ACAN: variants seen among roughly 807,000 people sequenced by gnomAD.
The protein encoded by ACAN is aggrecan.
A neutral mutation model predicts 169.1 loss-of-function variants in ACAN; 47 were observed. The observed-to-expected ratio is 0.28, with a 90% CI of 0.22 to 0.35. The LOEUF (loss-of-function observed/expected upper bound fraction) is 0.35, where lower values mean the gene tolerates loss of function less well. Among genes scored for constraint, ACAN ranks in the 10% least tolerant of loss-of-function variants. The probability of loss-of-function intolerance (pLI) is 1.00; values close to 1 mark genes in which losing one functional copy is unlikely to be tolerated. For missense variants in ACAN, 2,716 were observed against 2,759.9 expected, an observed-to-expected ratio of 0.98 and a Z score of 0.36; for synonymous variants, 1,115 against 1,112.2, an observed-to-expected ratio of 1.00 and a Z score of -0.05.
In ACAN at chr15:88,849,460, C is replaced by G. The variant is rs368579188; in HGVS notation, c.1755C>G (p.Arg585=). ...CAGGGGAGGTGTTCTTCGCCACACG[C>G]CTTGAGCAGTTCACCTTCCAGGAAG... is the stretch of plus-strand genomic sequence containing the variant. ...RLEGEVFFAT[R]LEQFTFQEAL... Residue 585 remains arginine, a synonymous_variant, in exon 10 of 19, where the codon CGC becomes CGG. Coordinates refer to ENST00000560601, the MANE Select transcript of ACAN (RefSeq NM_001369268.1). This position sits in a 1 kb window ranked among gnomAD's most constrained non-coding sequence, Gnocchi z 5.1. 55 of 1,602,050 alleles carry G rather than the reference C, an allele frequency of 3.4e-5. No homozygotes were observed. Among genetic ancestry groups the G allele is most frequent in the Non-Finnish European group, 4.7e-5 (55 of 1,172,604 alleles).
rs74029641 is a variant in ACAN, at chr15:88,849,673, C to T, written c.1968C>T (p.Tyr656=). The T allele has an allele frequency of 2.1e-3, 3,386 of 1,613,806 alleles. 46 individuals are homozygous for T. In the African/African-American group the frequency reaches 0.039, roughly 19 times the overall value. ...CAGGCGTGAGAACGGTCTACCTCTA[C>T]CCTAACCAGACGGGCCTCCCAGACC... ...DKPGVRTVYL[Y]PNQTGLPDPL... The change falls in exon 10 of 19, where the codon TAC becomes TAT. Residue 656 remains tyrosine, a synonymous_variant. Coordinates refer to ENST00000560601, the MANE Select transcript of ACAN (RefSeq NM_001369268.1). This position sits in a 1 kb window ranked among gnomAD's most constrained non-coding sequence, Gnocchi z 5.1.
Position 88,857,659 on chromosome 15 carries a change from A to G in ACAN, c.5074A>G (p.Ile1692Val), listed in dbSNP as rs763850127. Residue 1692 changes from isoleucine to valine, a missense_variant, in exon 12 of 19, where the codon ATA (isoleucine) becomes GTA (valine). Around this residue, in one of 3 missense-constraint regions of ACAN, gnomAD observed 1,389 missense variants for 1,363.7 expected, o/e 1.02. Coordinates refer to ENST00000560601, the MANE Select transcript of ACAN (RefSeq NM_001369268.1). The stretch of plus-strand genomic sequence containing the variant: ...CATTGGCATCAGTGGTGCAGGAGAA[A>G]TATCTGGACTGCCCTCCAGTGAGCT... ...GTIGISGAGE[I>V]SGLPSSELDI... is the part of the protein sequence containing the mutation. The G allele has an allele frequency of 2.5e-6, 4 of 1,613,888 alleles. No individual in the cohort carries two copies. The African/African-American group carries it at 5.3e-5, about 22-fold the overall frequency.
intron 7 of ACAN, among the ~76,000 whole-genome samples, chr15:88,846,385 ATAGT>A (rs1484867952): frequency 3.3e-5 from 5 of 152,376 alleles, no homozygotes; most frequent in Admixed American, 1.3e-4. Flanking sequence ...ACATTCTTAA[ATAGT>A]TAGGGGCAAA....
At chr15:88,828,512 G>C (rs7173241) in intron 1 of ACAN, among the ~76,000 whole-genome samples, 104,296 of 151,868 alleles carry the variant, frequency 0.69, 36,439 homozygotes, top group African/African-American at 0.76. Context: ...CTGCCTTTTC[G>C]TCCCTAGCAC....
chr15:88,860,883 G>A (rs1029872597), intron 13 of ACAN, among the ~76,000 whole-genome samples: 5 of 152,106 alleles, frequency 3.3e-5, no homozygotes, highest in Admixed American at 2.0e-4. Context: ...TCTGCGTGGG[G>A]TTTGGGTCCC....
chr15:88,858,333 C>T lies in ACAN; in HGVS notation c.5748C>T (p.Ser1916=). The change falls in exon 12 of 19, where the codon AGC becomes AGT. Residue 1916 remains serine (S), a synonymous_variant. Coordinates refer to ENST00000560601, the MANE Select transcript of ACAN (RefSeq NM_001369268.1). The surrounding 1 kb of genome is among the most constrained non-coding windows in gnomAD (Gnocchi z 4.0). The part of the protein sequence containing the change: ...GESSRAEIGS[S]LPSGAYYGSG... ...CCTCCAGAGCTGAGATTGGGAGCAG[C>T]CTGCCCTCGGGAGCATATTATGGCA... is the stretch of plus-strand genomic sequence containing the variant. 6.2e-7 allele frequency: 1 copy of T among 1,613,960 alleles called. No individual in the cohort carries two copies. Among genetic ancestry groups the T allele is most frequent in the Non-Finnish European group, 8.5e-7 (1 of 1,179,892 alleles).
intron 1 of ACAN, among the ~76,000 whole-genome samples, chr15:88,805,837 C>G (rs1055168540): frequency 6.6e-6 from 1 of 152,184 alleles, no homozygotes; most frequent in Non-Finnish European, 1.5e-5. Context: ...CCTCCACACA[C>G]CCAGGCACAC....
rs1336188389 is a variant in ACAN, at chr15:88,866,085, A to T, written c.6947-2131A>T. On this transcript the variant is annotated intron_variant, in intron 13 of 18. Coordinates refer to ENST00000560601, the MANE Select transcript of ACAN (RefSeq NM_001369268.1). The surrounding 1 kb of genome is among the most constrained non-coding windows in gnomAD (Gnocchi z 5.6). ...CTCAGATTTTGTGCCCTGGTCAAAC[A>T]CAGAAAGAAAGCAACGCTCCCCCTC... Among the ~76,000 whole-genome samples the T allele has an allele frequency of 6.6e-6, 1 of 151,942 alleles. No individual in the cohort carries two copies. The highest frequency in any genetic ancestry group is 1.5e-5 in the Non-Finnish European group (1 of 68,006).
intron 1 of ACAN, among the ~76,000 whole-genome samples, chr15:88,820,612 T>C: frequency 6.6e-6 from 1 of 152,152 alleles, no homozygotes; most frequent in Non-Finnish European, 1.5e-5. Flanking sequence ...CTACATGTCA[T>C]ATTGTACCTG....
chr15:88,829,905 G>A (rs984790652), intron 1 of ACAN, among the ~76,000 whole-genome samples: 3 of 152,214 alleles, frequency 2.0e-5, no homozygotes, highest in African/African-American at 7.2e-5. Context: ...GGAGGTCACA[G>A]TCTGCGTGAT....
Position 88,868,508 on chromosome 15 carries a change from G to GC in ACAN, c.7060+180dup, listed in dbSNP as rs1567192961. On this transcript the variant is annotated intron_variant, in intron 14 of 18. Transcript: ENST00000560601. This position sits in a 1 kb window ranked among gnomAD's most constrained non-coding sequence, Gnocchi z 5.2. ...CCCACTGATTCCCACTCTTTTTCTT[G>GC]CTCTCCTCCTTGAAAACCCTTTTCT... 6.6e-6 allele frequency among the ~76,000 whole-genome samples: 1 copy of GC among 152,054 alleles called. No homozygotes were observed. Among genetic ancestry groups the GC allele is most frequent in the Admixed American group, 6.5e-5 (1 of 15,284 alleles).
In ACAN at chr15:88,849,277, C is replaced by T. The variant is rs1896871966; in HGVS notation, c.1733-161C>T. 1.3e-5 allele frequency among the ~76,000 whole-genome samples: 2 copies of T among 152,080 alleles called. No homozygotes were observed. The highest frequency in any genetic ancestry group is 1.3e-4 in the Admixed American group (2 of 15,284). On this transcript the variant is annotated intron_variant, in intron 9 of 18. Coordinates refer to ENST00000560601, the MANE Select transcript of ACAN (RefSeq NM_001369268.1). The surrounding 1 kb of genome is among the most constrained non-coding windows in gnomAD (Gnocchi z 5.1). Reference sequence around the variant, plus strand: ...GCGGTGGTCACCTATTTCCCAGGGTCCCAGAAAATCTAAGGGGGAGTGGTC... The same window carrying T: ...GCGGTGGTCACCTATTTCCCAGGGTTCCAGAAAATCTAAGGGGGAGTGGTC...
At chr15:88,862,711 G>A (rs936824393) in intron 13 of ACAN, among the ~76,000 whole-genome samples, 8 of 152,130 alleles carry the variant, frequency 5.3e-5, no homozygotes, top group East Asian at 1.9e-4. Flanking sequence ...AAAAGACCAC[G>A]GATCGGCCAG....
At chr15:88,853,778 A>ATACG (rs968524686) in intron 11 of ACAN, among the ~76,000 whole-genome samples, 1 of 148,550 alleles carries the variant, frequency 6.7e-6, no homozygotes, top group Non-Finnish European at 1.5e-5. Context: ...ACATACATAC[A>ATACG]TACATACGTA....
At chr15:88,864,277 T>G (rs1198994948) in intron 13 of ACAN, among the ~76,000 whole-genome samples, 1 of 152,138 alleles carries the variant, frequency 6.6e-6, no homozygotes, top group African/African-American at 2.4e-5. Context: ...ATAACCTTTT[T>G]TTTTTTTTAA....
rs375642104 is a variant in ACAN at position 88,874,318 on chromosome 15, GGA to G, written c.7631-81_7631-80del. Reference sequence around the variant, plus strand: ...GCGCCTGAGTCCTGGTTTCCACAAGGGAGAGAGGGTAGTCTGGGGAGAGCCTG... The same window carrying G: ...GCGCCTGAGTCCTGGTTTCCACAAGGGAGAGGGTAGTCTGGGGAGAGCCTG... On this transcript the variant is annotated intron_variant, in intron 18 of 18. Coordinates refer to ENST00000560601, the MANE Select transcript of ACAN (RefSeq NM_001369268.1). This position sits in a 1 kb window ranked among gnomAD's most constrained non-coding sequence, Gnocchi z 7.3. 282 of 1,319,902 alleles carry G rather than the reference GGA, an allele frequency of 2.1e-4. No homozygotes were observed. The East Asian group carries it at 7.0e-3, about 33-fold the overall frequency. The allele number at this position is 1,319,902 out of a possible 1,614,324, so 81.8% of individuals were successfully genotyped here. A position where few individuals can be genotyped will look rare whatever the true frequency, so the allele number is the denominator to read the frequency against.
At chr15:88,845,382 A>C in intron 6 of ACAN, 123 bp from the exon 7 acceptor site, 1 of 1,398,958 alleles carries the variant, frequency 7.1e-7, no homozygotes, top group Non-Finnish European at 9.5e-7. Context: ...CCTGGCACAC[A>C]GTGGTGCCCT....
At chr15:88,832,957 TCTCA>T (rs1596126342) in intron 1 of ACAN, among the ~76,000 whole-genome samples, 2 of 152,212 alleles carry the variant, frequency 1.3e-5, no homozygotes, top group South Asian at 4.1e-4. Flanking sequence ...AGTCACATTA[TCTCA>T]CTCAGTCTTT....
At position 88,843,570 on chromosome 15, in the gene ACAN, G is replaced by T. The variant is rs200118502; in HGVS notation, c.973G>T (p.Val325Leu). The change falls in exon 6 of 19, where the codon GTG becomes TTG. Residue 325 changes from valine (V) to leucine (L), a missense_variant. Coordinates refer to ENST00000560601, the MANE Select transcript of ACAN (RefSeq NM_001369268.1). The surrounding 1 kb of genome is among the most constrained non-coding windows in gnomAD (Gnocchi z 4.0). ...CAACTGCGGTGGCAACCTCCTGGGC[G>T]TGAGGACCGTCTACGTGCATGCCAA... ...RPNCGGNLLG[V>L]RTVYVHANQT... 3 of 1,612,294 alleles carry T rather than the reference G, an allele frequency of 1.9e-6. No individual in the cohort carries two copies. The highest frequency in any genetic ancestry group is 1.3e-5 in the African/African-American group (1 of 75,050).
Sources: allele counts gnomAD v4.1 joint callset (sites outside exome capture counted in the v4.1 genomes callset), GRCh38; gene constraint gnomAD v4.1.1; regional missense constraint gnomAD v4.1.1; non-coding constraint Gnocchi (gnomAD v3.1); transcripts MANE v1.5; gene names NCBI Gene and HGNC (gene_info 2026-07-23, HGNC 2026-07-21).